Variants in ZFP30 observed in about 807,000 individuals in gnomAD.
ZFP30 encodes the protein ZFP30 zinc finger protein.
In ZFP30, 16 loss-of-function variants were observed where a neutral mutation model predicts 12.3. That is an observed-to-expected ratio of 1.30 (90% CI 0.88 to 1.98). ZFP30 has a LOEUF of 1.98. Ranked by LOEUF, ZFP30 falls within the 30% of genes most tolerant of loss-of-function variation. The probability of loss-of-function intolerance (pLI) is 0.00; values close to 1 mark genes in which losing one functional copy is unlikely to be tolerated. For synonymous variants in ZFP30, 172 were observed against 201.0 expected, an observed-to-expected ratio of 0.86 and a Z score of 1.22; for missense variants, 560 against 611.2, an observed-to-expected ratio of 0.92 and a Z score of 0.88.
At position 37,638,231 on chromosome 19, in the gene ZFP30, A is replaced by T. The variant is rs1227240836; in HGVS notation, c.236-1926T>A. On this transcript the variant is annotated intron_variant, in intron 5 of 5. Coordinates refer to ENST00000684514, the MANE Select transcript of ZFP30 (RefSeq NM_001320669.3). ...TTTGCCCCCTTTCACGACCAAGGTA[A>T]TAAGAGTCTCTAAATATTTATCTTT... Among the ~76,000 whole-genome samples, 4 of 152,214 alleles carry T rather than the reference A, an allele frequency of 2.6e-5. No individual in the cohort carries two copies. The South Asian group carries it at 8.3e-4, about 32-fold the overall frequency.
At chr19:37,640,088 C>T (rs1320599957) in intron 5 of ZFP30, among the ~76,000 whole-genome samples, 1 of 152,176 alleles carries the variant, frequency 6.6e-6, no homozygotes, top group East Asian at 1.9e-4. Context: ...TATACATAAA[C>T]ATTTCATTTT....
chr19:37,644,751 G>C lies in ZFP30; in HGVS notation c.10-15C>G, dbSNP rs528789934. 1.3e-6 allele frequency: 2 copies of C among 1,599,744 alleles called. No homozygotes were observed. Among genetic ancestry groups the C allele is most frequent in the South Asian group, 1.1e-5 (1 of 88,192 alleles). ...ATCACCAAATCCTGAAATGATAAAC[G>C]CATGTATTATTTGTAAGATAAATGA... On this transcript the variant is annotated splice_polypyrimidine_tract_variant and intron_variant, in intron 3 of 5. Transcript: ENST00000684514.
In ZFP30 at chr19:37,632,720, ACAC is replaced by A. The variant is rs2044252388; in HGVS notation, c.*2258_*2260del. The A allele has an allele frequency of 6.6e-6, 1 of 152,228 alleles. No individual in the cohort carries two copies. Among genetic ancestry groups the A allele is most frequent in the South Asian group, 2.1e-4 (1 of 4,834 alleles). The allele number at this position is 152,228 out of a possible 1,614,324, so 9.4% of individuals were successfully genotyped here. A position where few individuals can be genotyped will look rare whatever the true frequency, so the allele number is the denominator to read the frequency against. On this transcript the variant is annotated 3_prime_UTR_variant, in exon 6 of 6. Coordinates refer to ENST00000684514, the MANE Select transcript of ZFP30 (RefSeq NM_001320669.3). ...TCAGAATCTTGTGTTTTACAAAAAA[ACAC>A]CATTTGAATTTGGACTAGCCACATT...
chr19:37,634,732 A>C lies in ZFP30; in HGVS notation c.*249T>G, dbSNP rs1045613521. The C allele has an allele frequency of 5.1e-6, 2 of 391,646 alleles. No individual in the cohort carries two copies. Among genetic ancestry groups the C allele is most frequent in the Admixed American group, 8.1e-5 (2 of 24,732 alleles). The allele number at this position is 391,646 out of a possible 1,614,324, so 24.3% of individuals were successfully genotyped here. A position where few individuals can be genotyped will look rare whatever the true frequency, so the allele number is the denominator to read the frequency against. ...TATGGAGATAATAATAGGTAAGATC[A>C]AAAGCTTTTCCACATTCAGTCCTGT... On this transcript the variant is annotated 3_prime_UTR_variant, in exon 6 of 6. Coordinates refer to ENST00000684514, the MANE Select transcript of ZFP30 (RefSeq NM_001320669.3).
chr19:37,653,045 AG>A (rs2044683685), intron 2 of ZFP30, among the ~76,000 whole-genome samples: 1 of 150,384 alleles, frequency 6.6e-6, no homozygotes, highest in African/African-American at 2.4e-5. Context: ...TGAACCCGGG[AG>A]GCAGCGGTTG....
At position 37,644,746 on chromosome 19, in the gene ZFP30, T is replaced by C. The variant is rs1271360514; in HGVS notation, c.10-10A>G. The stretch of plus-strand genomic sequence containing the variant: ...TGAACATCACCAAATCCTGAAATGA[T>C]AAACGCATGTATTATTTGTAAGATA... On this transcript the variant is annotated splice_polypyrimidine_tract_variant and intron_variant, in intron 3 of 5. Transcript: ENST00000684514. 6.2e-7 allele frequency: 1 copy of C among 1,602,124 alleles called. No homozygotes were observed. The highest frequency in any genetic ancestry group is 8.5e-7 in the Non-Finnish European group (1 of 1,176,568).
rs140042807 is a variant in ZFP30 at position 37,644,727 on chromosome 19, T to A, written c.19A>T (p.Met7Leu). 6.2e-7 allele frequency: 1 copy of A among 1,609,612 alleles called. No individual in the cohort carries two copies. Among genetic ancestry groups the A allele is most frequent in the Non-Finnish European group, 8.5e-7 (1 of 1,178,696 alleles). ...AAGTCTACAGCCACATCTCTGAACA[T>A]CACCAAATCCTGAAATGATAAACGC... is the stretch of plus-strand genomic sequence containing the variant. MARDLV[M>L]FRDVAVDFSQ... Residue 7 changes from methionine (M) to leucine (L), a missense_variant, in exon 4 of 6, where the codon ATG (methionine) becomes TTG (leucine). Transcript: ENST00000684514.
intron 5 of ZFP30, among the ~76,000 whole-genome samples, chr19:37,637,235 G>C (rs780254611): frequency 2.4e-5 from 3 of 126,240 alleles, no homozygotes; most frequent in Non-Finnish European, 4.9e-5. Flanking sequence ...ACAGAGTTTC[G>C]CTCTTGTTGC....
chr19:37,635,857 G>A lies in ZFP30; in HGVS notation c.684C>T (p.Asp228=), dbSNP rs2044313578. ...KCGKIFTCGS[D]LRVHQRIHIG... is the part of the protein sequence containing the mutation. ...TATGAATTCTCTGATGTACTCGAAG[G>A]TCTGAGCCACATGTGAAGATCTTTC... Residue 228 remains aspartate (D), a synonymous_variant, in exon 6 of 6, where the codon GAC becomes GAT. Coordinates refer to ENST00000684514, the MANE Select transcript of ZFP30 (RefSeq NM_001320669.3). 6.8e-6 allele frequency: 11 copies of A among 1,614,080 alleles called. No individual in the cohort carries two copies. The highest frequency in any genetic ancestry group is 8.5e-6 in the Non-Finnish European group (10 of 1,180,022).
rs151334016 is a variant in ZFP30 at position 37,635,144 on chromosome 19, T to C, written c.1397A>G (p.Tyr466Cys). The C allele has an allele frequency of 2.2e-5, 36 of 1,612,940 alleles. No homozygotes were observed. Among genetic ancestry groups the C allele is most frequent in the Non-Finnish European group, 2.5e-5 (30 of 1,179,462 alleles). Reference protein sequence around the residue: ...HQSIHTGEKPYDCKECGKAFR... With the variant: ...HQSIHTGEKPCDCKECGKAFR... ...GGCCTTTCCACATTCCTTACAGTCA[T>C]AGGGCTTTTCACCAGTATGAATACT... The change falls in exon 6 of 6, where the codon TAT becomes TGT. Residue 466 changes from tyrosine to cysteine, a missense_variant. Tyr to Cys is a radical substitution (Grantham distance 194, BLOSUM62 -2). Transcript: ENST00000684514.
In ZFP30 at chr19:37,631,020, A is replaced by G. The variant is rs1464784105; in HGVS notation, c.*3961T>C. Reference sequence around the variant, plus strand: ...TCATTGCAGTATAGTGTTGATTCAGAAATTTTATTTCTGCAGAAAAGCAAC... The same window carrying G: ...TCATTGCAGTATAGTGTTGATTCAGGAATTTTATTTCTGCAGAAAAGCAAC... On this transcript the variant is annotated 3_prime_UTR_variant, in exon 6 of 6. Coordinates refer to ENST00000684514, the MANE Select transcript of ZFP30 (RefSeq NM_001320669.3). 2 of 152,194 alleles carry G rather than the reference A, an allele frequency of 1.3e-5. No homozygotes were observed. The highest frequency in any genetic ancestry group is 2.9e-5 in the Non-Finnish European group (2 of 68,048). 9.4% of individuals were successfully genotyped at this position (152,194 alleles called of 1,614,324 possible).
intron 5 of ZFP30, among the ~76,000 whole-genome samples, chr19:37,640,744 A>G (rs917815658): frequency 7.5e-6 from 1 of 134,220 alleles, no homozygotes; most frequent in Non-Finnish European, 1.7e-5. Context: ...ATAAAATAAA[A>G]TAAAGTAAAA....
intron 5 of ZFP30, among the ~76,000 whole-genome samples, chr19:37,636,667 G>C (rs1670628846): frequency 6.6e-6 from 1 of 151,628 alleles, no homozygotes; most frequent in Non-Finnish European, 1.5e-5. Context: ...ATGTCCCTAT[G>C]ACACTTGCCT....
chr19:37,636,544 A>G (rs1364545598), intron 5 of ZFP30, among the ~76,000 whole-genome samples: 1 of 152,086 alleles, frequency 6.6e-6, no homozygotes, highest in Non-Finnish European at 1.5e-5. Flanking sequence ...TCCCCACTTA[A>G]ATTTTTCAAT....
At chr19:37,652,523 G>A (rs1319488583) in intron 2 of ZFP30, among the ~76,000 whole-genome samples, 8 of 151,634 alleles carry the variant, frequency 5.3e-5, no homozygotes, top group Non-Finnish European at 8.8e-5. Context: ...GGCCAAGATC[G>A]CGCCACTGCA....
At chr19:37,653,729 T>C (rs753062153) in intron 2 of ZFP30, among the ~76,000 whole-genome samples, 117 of 152,342 alleles carry the variant, frequency 7.7e-4, no homozygotes, top group Middle Eastern at 3.4e-3. Context: ...TTGGAGCTTA[T>C]ACAACTCTGA....
chr19:37,650,697 T>C (rs1341864996), intron 2 of ZFP30, among the ~76,000 whole-genome samples: 2 of 152,032 alleles, frequency 1.3e-5, no homozygotes, highest in Admixed American at 1.3e-4. Context: ...CACATATGCA[T>C]AGTTGCAGTC....
intron 3 of ZFP30, among the ~76,000 whole-genome samples, chr19:37,647,437 G>C (rs1393019743): frequency 1.3e-5 from 2 of 151,966 alleles, no homozygotes; most frequent in Non-Finnish European, 2.9e-5. Flanking sequence ...ATTTTATAAG[G>C]GGTTTCCTCT....
At chr19:37,641,960 G>A (rs868126975) in intron 5 of ZFP30, among the ~76,000 whole-genome samples, 2 of 152,068 alleles carry the variant, frequency 1.3e-5, no homozygotes, top group East Asian at 1.9e-4. Context: ...TCTTCTTCCC[G>A]TAAGTTGGCA....
Sources: allele counts gnomAD v4.1 joint callset (sites outside exome capture counted in the v4.1 genomes callset), GRCh38; gene constraint gnomAD v4.1.1; transcripts MANE v1.5; gene names NCBI Gene and HGNC (gene_info 2026-07-23, HGNC 2026-07-21).